Variants in NRP2 observed in about 807,000 individuals in gnomAD.
The protein encoded by NRP2 is neuropilin-2.
In NRP2, 52 loss-of-function variants were observed where a neutral mutation model predicts 110.4. The ratio of observed to expected loss-of-function variants is 0.47; its 90% CI spans 0.38 to 0.59. NRP2 has a LOEUF of 0.59. NRP2 is among the 20% of genes least tolerant of loss of function. The probability of loss-of-function intolerance (pLI) is 0.00; values close to 1 mark genes in which losing one functional copy is unlikely to be tolerated. For synonymous variants in NRP2, 508 were observed against 468.9 expected, an observed-to-expected ratio of 1.08 and a Z score of -1.08; for missense variants, 1,049 against 1,203.0, an observed-to-expected ratio of 0.87 and a Z score of 1.89.
chr2:205,772,259 C>T (rs1294585789), intron 15 of NRP2, among the ~76,000 whole-genome samples: 1 of 152,168 alleles, frequency 6.6e-6, no homozygotes, highest in African/African-American at 2.4e-5. Flanking sequence ...TCAGGGTGGC[C>T]GTTGTTACAG....
intron 15 of NRP2, 87 bp downstream of exon 15, chr2:205,766,890 C>A: frequency 7.9e-7 from 1 of 1,258,622 alleles, no homozygotes; most frequent in Non-Finnish European, 1.1e-6. Flanking sequence ...GGGGAATCAA[C>A]CTCCAAATTT....
At chr2:205,714,193 T>G (rs769589377) in intron 2 of NRP2, among the ~76,000 whole-genome samples, 2 of 152,206 alleles carry the variant, frequency 1.3e-5, no homozygotes, top group African/African-American at 4.8e-5. Context: ...AGGAGAAGAC[T>G]GTAATATCCC....
At chr2:205,779,928 G>T (rs143248365) in intron 15 of NRP2, among the ~76,000 whole-genome samples, 89 of 152,268 alleles carry the variant, frequency 5.8e-4, no homozygotes, top group Non-Finnish European at 1.1e-3. Flanking sequence ...TTGTGCAGCT[G>T]AGACAACTTT....
In NRP2 at chr2:205,794,867, A is replaced by G. The variant is rs143404274; in HGVS notation, c.2590A>G (p.Ile864Val). 105 of 1,614,094 alleles carry G rather than the reference A, an allele frequency of 6.5e-5. No homozygotes were observed. The African/African-American group carries it at 1.2e-3, about 18-fold the overall frequency. The change falls in exon 17 of 17, where the codon ATC becomes GTC. Residue 864 changes from isoleucine (I) to valine (V), a missense_variant. Coordinates refer to ENST00000357785, the MANE Select transcript of NRP2 (RefSeq NM_003872.3). ...CACCCTGGATCCCATCCTCATCACC[A>G]TCATCGCCATGAGCTCACTGGGCGT... ...LYTLDPILIT[I>V]IAMSSLGVLL... is the part of the protein sequence containing the mutation.
intron 1 of NRP2, among the ~76,000 whole-genome samples, chr2:205,695,624 T>C (rs913933189): frequency 1.3e-5 from 2 of 152,014 alleles, no homozygotes; most frequent in Non-Finnish European, 2.9e-5. Context: ...TTGGGGTGAG[T>C]TGGTGGCAGG....
intron 2 of NRP2, among the ~76,000 whole-genome samples, chr2:205,698,486 G>C (rs1205015304): frequency 6.6e-6 from 1 of 152,094 alleles, no homozygotes; most frequent in Non-Finnish European, 1.5e-5. Context: ...TTACAACATT[G>C]GTTCTGCCAC....
intron 2 of NRP2, 150 bp downstream of exon 2, chr2:205,697,871 G>C: frequency 1.2e-6 from 1 of 801,758 alleles, no homozygotes; most frequent in Non-Finnish European, 2.2e-6. Flanking sequence ...ACCTCAAGGG[G>C]CATTCCCTTT....
intron 4 of NRP2, 132 bp from the exon 5 acceptor site, chr2:205,723,653 C>T (rs2057065632): frequency 1.1e-6 from 1 of 897,126 alleles, no homozygotes; most frequent in Non-Finnish European, 1.8e-6. Context: ...TGAAACATAT[C>T]TTTGGTTTTT....
chr2:205,768,216 G>A (rs1176940592), intron 15 of NRP2: 1 of 152,182 alleles, frequency 6.6e-6, no homozygotes. Context: ...TGCATACACT[G>A]GTGCTCTCTG....
intron 14 of NRP2, 91 bp downstream of exon 14, chr2:205,765,661 C>A: frequency 9.1e-7 from 1 of 1,095,350 alleles, no homozygotes; most frequent in Non-Finnish European, 1.4e-6. Context: ...TTTTCCAATG[C>A]AGTCGTTACC....
At chr2:205,776,575 A>G in intron 15 of NRP2, 1 of 1,599,822 alleles carries the variant, frequency 6.3e-7, no homozygotes, top group Non-Finnish European at 8.5e-7. Flanking sequence ...GACTGCAAAC[A>G]TGTTGCCTCG....
At chr2:205,749,656 A>G (rs2057605554) in intron 10 of NRP2, 69 bp from the exon 11 acceptor site, 1 of 1,235,220 alleles carries the variant, frequency 8.1e-7, no homozygotes, top group Non-Finnish European at 1.2e-6. Context: ...GATGTTTGGC[A>G]TCTTCCTCCT....
chr2:205,738,344 C>T (rs1175092536), intron 7 of NRP2, among the ~76,000 whole-genome samples: 2 of 152,142 alleles, frequency 1.3e-5, no homozygotes, highest in Non-Finnish European at 2.9e-5. Context: ...AACACCCATC[C>T]GAAATAAGCA....
At position 205,723,814 on chromosome 2, in the gene NRP2, A is replaced by G; in HGVS notation, c.694A>G (p.Thr232Ala). Residue 232 changes from threonine to alanine, a missense_variant, in exon 5 of 17, where the codon ACC becomes GCC. By Grantham distance (58) the Thr-to-Ala change is moderately conservative. Transcript: ENST00000357785. ...VGPLIGKYCGTKTPSELRSST... is the reference protein window; with the variant it reads ...VGPLIGKYCGAKTPSELRSST... The stretch of plus-strand genomic sequence containing the variant: ...CCCCCTGATTGGCAAGTACTGTGGG[A>G]CCAAAACACCCTCTGAACTTCGTTC... The G allele has an allele frequency of 1.2e-6, 2 of 1,614,136 alleles. No individual in the cohort carries two copies. The highest frequency in any genetic ancestry group is 1.7e-6 in the Non-Finnish European group (2 of 1,180,018).
At chr2:205,732,923 T>C (rs2057268690) in intron 7 of NRP2, among the ~76,000 whole-genome samples, 1 of 152,100 alleles carries the variant, frequency 6.6e-6, no homozygotes, top group South Asian at 2.1e-4. Flanking sequence ...CCTTATTCCT[T>C]TTGTGGTAGT....
chr2:205,726,692 T>C (rs763642832), intron 6 of NRP2, among the ~76,000 whole-genome samples: 13 of 152,186 alleles, frequency 8.5e-5, no homozygotes, highest in Non-Finnish European at 1.9e-4. Context: ...ACTGCTCCAA[T>C]TCTCATCCCC....
intron 16 of NRP2, among the ~76,000 whole-genome samples, chr2:205,794,130 A>T (rs1241681196): frequency 6.6e-6 from 1 of 152,132 alleles, no homozygotes; most frequent in Non-Finnish European, 1.5e-5. Context: ...ATTTTTTTGG[A>T]GACGGAGTCT....
chr2:205,698,188 G>A lies in NRP2; in HGVS notation c.251+467G>A, dbSNP rs112933562. 9.3e-5 allele frequency among the ~76,000 whole-genome samples: 14 copies of A among 150,520 alleles called. 2 individuals carry two copies. The highest frequency in any genetic ancestry group is 3.2e-4 in the African/African-American group (13 of 40,806). Reference sequence around the variant, plus strand: ...GGATCAGCCTGTTACCTTATATAGCGGTAACTGGTTTTCTTATAGAAAAAA... The same window carrying A: ...GGATCAGCCTGTTACCTTATATAGCAGTAACTGGTTTTCTTATAGAAAAAA... On this transcript the variant is annotated intron_variant, in intron 2 of 16. Transcript: ENST00000357785.
chr2:205,720,122 T>C (rs922106579), intron 3 of NRP2, among the ~76,000 whole-genome samples: 2 of 152,212 alleles, frequency 1.3e-5, no homozygotes, highest in Non-Finnish European at 2.9e-5. Context: ...CGATTAGAGA[T>C]GAATGCATGA....
Sources: gnomAD v4.1 joint callset for allele counts (sites outside exome capture counted in the v4.1 genomes callset) on GRCh38, gnomAD v4.1.1 for gene constraint, MANE v1.5 for transcripts, NCBI Gene and HGNC (gene_info 2026-07-23, HGNC 2026-07-21) for gene names.